Variants in KCNMA1 observed in about 807,000 individuals in gnomAD.
KCNMA1 encodes Calcium-activated potassium channel subunit alpha-1.
A neutral mutation model predicts 140.0 loss-of-function variants in KCNMA1; 29 were observed. That is an observed-to-expected ratio of 0.21 (90% CI 0.15 to 0.28). KCNMA1 has a LOEUF of 0.28. Among genes scored for constraint, KCNMA1 ranks in the 10% least tolerant of loss-of-function variants. The pLI is 1.00. For synonymous variants in KCNMA1, 612 were observed against 611.9 expected, an observed-to-expected ratio of 1.00 and a Z score of 0.00; for missense variants, 880 against 1,602.2, an observed-to-expected ratio of 0.55 and a Z score of 7.70.
downstream of KCNMA1, chr10:76,876,316 C>T (rs1266688007): frequency 6.6e-6 from 1 of 152,584 alleles, no homozygotes; most frequent in Non-Finnish European, 1.5e-5. Context: ...ACTATTACAT[C>T]CATGCTTCTC....
chr10:77,634,535 T>C, intron 1 of KCNMA1: 2 of 984,992 alleles, frequency 2.0e-6, no homozygotes, highest in Non-Finnish European at 2.4e-6. Flanking sequence ...CTGAATTTTA[T>C]CTCCCACAGA....
intron 9 of KCNMA1, among the ~76,000 whole-genome samples, chr10:77,097,851 G>A (rs187547634): frequency 9.1e-4 from 138 of 152,308 alleles, no homozygotes; most frequent in African/African-American, 3.2e-3. Context: ...TGTCAATGGA[G>A]CTGTTCTGGA....
chr10:77,278,463 G>A (rs562234578), intron 2 of KCNMA1, among the ~76,000 whole-genome samples: 5 of 152,280 alleles, frequency 3.3e-5, no homozygotes, highest in African/African-American at 1.2e-4. Context: ...GTGTAAATGA[G>A]TTGTAGTATT....
intron 23 of KCNMA1, among the ~76,000 whole-genome samples, chr10:76,920,326 T>C (rs945607913): frequency 6.6e-6 from 1 of 152,066 alleles, no homozygotes; most frequent in African/African-American, 2.4e-5. Context: ...GAGTGCTTAC[T>C]ATGTACTGAA....
intron 3 of KCNMA1, among the ~76,000 whole-genome samples, chr10:77,229,478 G>A (rs909293930): frequency 1.3e-5 from 2 of 152,114 alleles, no homozygotes; most frequent in East Asian, 1.9e-4. Flanking sequence ...CATTTGTTCA[G>A]CCTACTGTCT....
chr10:77,252,999 T>A (rs2154254366), intron 2 of KCNMA1, among the ~76,000 whole-genome samples: 1 of 152,196 alleles, frequency 6.6e-6, no homozygotes, highest in Non-Finnish European at 1.5e-5. Flanking sequence ...TCACACATAT[T>A]CATTCATATG....
At chr10:76,918,856 A>G (rs2054084044) in intron 23 of KCNMA1, among the ~76,000 whole-genome samples, 1 of 151,938 alleles carries the variant, frequency 6.6e-6, no homozygotes, top group Non-Finnish European at 1.5e-5. Context: ...CCATTAATCA[A>G]TGAGAGGATA....
rs574703791 is a variant in KCNMA1, at chr10:77,186,777, A to G, written c.603-1861T>C. The stretch of plus-strand genomic sequence containing the variant: ...TGCAGGATACGTTACTAAAGAGTAA[A>G]TGTGTGTGTGTGTGTGTGTGTGTGT... On this transcript the variant is annotated intron_variant, in intron 3 of 27. Coordinates refer to ENST00000286628, the MANE Select transcript of KCNMA1 (RefSeq NM_001161352.2). 9.0e-3 allele frequency among the ~76,000 whole-genome samples: 1,313 copies of G among 145,254 alleles called. 27 individuals are homozygous for G. The highest frequency in any genetic ancestry group is 0.031 in the African/African-American group (1,233 of 39,270).
chr10:77,486,761 G>C (rs1043030249), intron 1 of KCNMA1, among the ~76,000 whole-genome samples: 1 of 152,198 alleles, frequency 6.6e-6, no homozygotes, highest in East Asian at 1.9e-4. Flanking sequence ...AAAGCCCAAG[G>C]GTTTCTCCTG....
intron 23 of KCNMA1, among the ~76,000 whole-genome samples, chr10:76,925,316 C>T (rs2057348723): frequency 6.6e-6 from 1 of 152,088 alleles, no homozygotes; most frequent in Admixed American, 6.5e-5. Flanking sequence ...TGGGACCCTC[C>T]CTCTTTGCTG....
chr10:77,206,377 T>C (rs1389703828), intron 3 of KCNMA1, among the ~76,000 whole-genome samples: 1 of 152,158 alleles, frequency 6.6e-6, no homozygotes, highest in African/African-American at 2.4e-5. Context: ...ATTCATTGAG[T>C]GGTGTTGTGG....
chr10:77,465,107 G>A (rs983964632), intron 1 of KCNMA1, among the ~76,000 whole-genome samples: 13 of 152,130 alleles, frequency 8.5e-5, no homozygotes, highest in Admixed American at 3.3e-4. Flanking sequence ...GTTCTGAGAC[G>A]GCCAGGCCTG....
chr10:77,406,512 T>C (rs1405667653), intron 1 of KCNMA1, among the ~76,000 whole-genome samples: 3 of 152,120 alleles, frequency 2.0e-5, no homozygotes, highest in Non-Finnish European at 4.4e-5. Context: ...TGAAACACAG[T>C]GTGCTGGGCC....
intron 2 of KCNMA1, among the ~76,000 whole-genome samples, chr10:77,264,973 T>A (rs1197496598): frequency 6.6e-6 from 1 of 152,120 alleles, no homozygotes; most frequent in Non-Finnish European, 1.5e-5. Context: ...GCCCTTTTTT[T>A]CTGGAACTGG....
At chr10:77,535,662 T>C (rs1349785538) in intron 1 of KCNMA1, among the ~76,000 whole-genome samples, 1 of 152,050 alleles carries the variant, frequency 6.6e-6, no homozygotes, top group Non-Finnish European at 1.5e-5. Flanking sequence ...AATGAACAAA[T>C]GGATAAAGAA....
intron 13 of KCNMA1, among the ~76,000 whole-genome samples, chr10:77,073,983 T>C (rs932055848): frequency 2.0e-5 from 3 of 152,166 alleles, no homozygotes; most frequent in African/African-American, 7.2e-5. Flanking sequence ...TTAAGTGGCA[T>C]GAAGCAGAGA....
In KCNMA1 at chr10:77,557,691, A is replaced by AAGTGGCTAGAGT. The variant is rs546593304; in HGVS notation, c.378+79573_378+79574insACTCTAGCCACT. 2.2e-5 allele frequency among the ~76,000 whole-genome samples: 3 copies of AAGTGGCTAGAGT among 138,404 alleles called. No homozygotes were observed. The South Asian group carries it at 7.0e-4, about 32-fold the overall frequency. 90.8% of individuals were successfully genotyped at this position (138,404 alleles called of 152,430 possible). A position where few individuals can be genotyped will look rare whatever the true frequency, so the allele number is the denominator to read the frequency against. On this transcript the variant is annotated intron_variant, in intron 1 of 27. Transcript: ENST00000286628. ...GCATGGAATTTCGTTCTTGTCACCC[A>AAGTGGCTAGAGT]GGCTAGAGTGGAATGCAATGGCATG... is the stretch of plus-strand genomic sequence containing the variant.
At chr10:77,576,475 G>T (rs901914556) in intron 1 of KCNMA1, among the ~76,000 whole-genome samples, 4 of 152,096 alleles carry the variant, frequency 2.6e-5, no homozygotes, top group African/African-American at 9.7e-5. Flanking sequence ...GGAAGCAGGC[G>T]GACTCTCGGC....
rs1019938724 is a variant in KCNMA1, at chr10:77,296,913, G to GA, written c.541-45658_541-45657insT. 1.1e-4 allele frequency among the ~76,000 whole-genome samples: 16 copies of GA among 146,632 alleles called. 1 individual carries two copies. The highest frequency in any genetic ancestry group is 2.0e-4 in the Admixed American group (3 of 14,692). On this transcript the variant is annotated intron_variant, in intron 2 of 27. Transcript: ENST00000286628. ...AAGAGGAATGCCTGGGTGTGTGGGC[G>GA]GGGGGGCGGTGGGGGAATGTAGAGA... is the stretch of plus-strand genomic sequence containing the variant.
Sources: allele counts gnomAD v4.1 joint callset (sites outside exome capture counted in the v4.1 genomes callset), GRCh38; gene constraint gnomAD v4.1.1; transcripts MANE v1.5; gene names NCBI Gene and HGNC (gene_info 2026-07-23, HGNC 2026-07-21).